The following VOPP1 variants were observed in gnomAD, a reference collection of about 807,000 sequenced individuals.
VOPP1 encodes the protein VOPP1 WW domain binding protein.
VOPP1 carries 8 observed loss-of-function variants against 23.5 expected under a neutral mutation model. The ratio of observed to expected loss-of-function variants is 0.34; its 90% CI spans 0.20 to 0.61. VOPP1 has a LOEUF of 0.61. Among genes scored for constraint, VOPP1 ranks in the 20% least tolerant of loss-of-function variants. The pLI, the probability that VOPP1 is intolerant of heterozygous loss-of-function variation, is 0.78. For synonymous variants in VOPP1, 83 were observed against 97.3 expected, an observed-to-expected ratio of 0.85 and a Z score of 0.86; for missense variants, 174 against 238.1, an observed-to-expected ratio of 0.73 and a Z score of 1.77.
intron 4 of VOPP1, among the ~76,000 whole-genome samples, chr7:55,462,846 C>A (rs552520649): frequency 6.7e-6 from 1 of 148,178 alleles, no homozygotes; most frequent in Admixed American, 6.8e-5. Context: ...TTAGTAGAGA[C>A]GGGGTTTCAC....
chr7:55,523,721 T>A (rs975924304), intron 1 of VOPP1, among the ~76,000 whole-genome samples: 9 of 152,208 alleles, frequency 5.9e-5, no homozygotes, highest in African/African-American at 2.2e-4. Context: ...TCACACATAC[T>A]GAAGACCACC....
intron 1 of VOPP1, among the ~76,000 whole-genome samples, chr7:55,539,108 C>G (rs963103665): frequency 1.3e-5 from 2 of 151,586 alleles, no homozygotes; most frequent in African/African-American, 4.9e-5. Flanking sequence ...CTTTGGGAGG[C>G]CGAGGCAAGC....
intron 1 of VOPP1, among the ~76,000 whole-genome samples, chr7:55,539,869 CA>C (rs1452589564): frequency 6.7e-6 from 1 of 148,394 alleles, no homozygotes; most frequent in Non-Finnish European, 1.5e-5. Flanking sequence ...ATACACACAA[CA>C]TAACAAACGG....
chr7:55,519,772 G>A (rs1245787870), intron 2 of VOPP1, among the ~76,000 whole-genome samples: 4 of 152,166 alleles, frequency 2.6e-5, no homozygotes, highest in Admixed American at 6.5e-5. Context: ...GCCAGCTTCC[G>A]TGTGCTTTAC....
At chr7:55,446,184 G>A (rs564493526) in intron 4 of VOPP1, among the ~76,000 whole-genome samples, 29 of 152,110 alleles carry the variant, frequency 1.9e-4, no homozygotes, top group Non-Finnish European at 3.8e-4. Flanking sequence ...TAGTAGAGAC[G>A]GGGTTTCACC....
Position 55,529,364 on chromosome 7 carries a change from CAAAAAAA to C in VOPP1, c.55-8241_55-8235del, listed in dbSNP as rs58601889. Reference sequence around the variant, plus strand: ...TGGGTGACAGAGCAAGATTCCGTCTCAAAAAAAAAAAAAAAAAAAAAAAAAGAGTCCT... The same window carrying C: ...TGGGTGACAGAGCAAGATTCCGTCTCAAAAAAAAAAAAAAAAAAGAGTCCT... On this transcript the variant is annotated intron_variant, in intron 1 of 4. Transcript: ENST00000285279. 2.0e-4 allele frequency among the ~76,000 whole-genome samples: 21 copies of C among 107,474 alleles called. No individual in the cohort carries two copies. The South Asian group carries it at 3.5e-3, about 18-fold the overall frequency. The allele number at this position is 107,474 out of a possible 152,430, so 70.5% of individuals were successfully genotyped here.
chr7:55,477,249 C>A (rs1792327213), intron 4 of VOPP1, among the ~76,000 whole-genome samples: 2 of 152,184 alleles, frequency 1.3e-5, no homozygotes, highest in South Asian at 4.1e-4. Flanking sequence ...ATTTTCTGAG[C>A]CTTCTGAACA....
At chr7:55,468,280 AAAAAAAAAG>A (rs1404841308), downstream of VOPP1, among the ~76,000 whole-genome samples, 34 of 150,788 alleles carry the variant, frequency 2.3e-4, no homozygotes, top group African/African-American at 8.3e-4. Flanking sequence ...AGAAAAAAAA[AAAAAAAAAG>A]AAAAAAAAAG....
At chr7:55,463,372 A>G (rs1791553754) in intron 4 of VOPP1, among the ~76,000 whole-genome samples, 2 of 152,070 alleles carry the variant, frequency 1.3e-5, no homozygotes, top group African/African-American at 4.8e-5. Context: ...CCTTACACTC[A>G]TATTTGTGCA....
At chr7:55,522,874 C>A (rs1795957096) in intron 1 of VOPP1, among the ~76,000 whole-genome samples, 2 of 152,244 alleles carry the variant, frequency 1.3e-5, no homozygotes, top group South Asian at 4.1e-4. Flanking sequence ...TCCAAAGCAG[C>A]CACTTGATAC....
chr7:55,471,709 ACTT>A lies in VOPP1; in HGVS notation c.*1143_*1145del, dbSNP rs1026764516. On this transcript the variant is annotated 3_prime_UTR_variant, in exon 5 of 5. Coordinates refer to ENST00000285279, the MANE Select transcript of VOPP1 (RefSeq NM_030796.5). ...TATCCAGGAATGTGCATTTCCGACCACTTCTTCTTTATTCTAATTATGACAACA... is the reference window on the plus strand; with the variant it reads ...TATCCAGGAATGTGCATTTCCGACCACTTCTTTATTCTAATTATGACAACA... 2.0e-5 allele frequency: 3 copies of A among 151,910 alleles called. No individual in the cohort carries two copies. The highest frequency in any genetic ancestry group is 4.2e-4 in the South Asian group (2 of 4,816). The allele number at this position is 151,910 out of a possible 1,614,324, so 9.4% of individuals were successfully genotyped here.
intron 2 of VOPP1, among the ~76,000 whole-genome samples, chr7:55,511,039 C>T (rs948565444): frequency 6.6e-6 from 1 of 152,238 alleles, no homozygotes; most frequent in Non-Finnish European, 1.5e-5. Flanking sequence ...ACCTTGAGAG[C>T]AACCCCATCT....
intron 1 of VOPP1, among the ~76,000 whole-genome samples, chr7:55,551,882 A>G (rs1027355703): frequency 6.6e-6 from 1 of 152,176 alleles, no homozygotes; most frequent in Non-Finnish European, 1.5e-5. Context: ...TCTACTAAAA[A>G]TACAAAAATT....
intron 2 of VOPP1, among the ~76,000 whole-genome samples, chr7:55,499,158 T>C (rs771196762): frequency 6.6e-6 from 1 of 151,742 alleles, no homozygotes. Flanking sequence ...TGCTCAAGAA[T>C]GTTGCTGGTC....
chr7:55,563,518 A>C (rs1311936001), intron 1 of VOPP1, among the ~76,000 whole-genome samples: 2 of 152,222 alleles, frequency 1.3e-5, no homozygotes, highest in Non-Finnish European at 2.9e-5. Context: ...GCTTGGGACC[A>C]GAAGTGTTTT....
chr7:55,495,322 T>G (rs963097404), intron 3 of VOPP1, among the ~76,000 whole-genome samples: 6 of 152,240 alleles, frequency 3.9e-5, no homozygotes, highest in Admixed American at 3.9e-4. Flanking sequence ...GCAGGAACTC[T>G]GAAGGCATTC....
chr7:55,435,819 T>C (rs568258790), downstream of VOPP1, among the ~76,000 whole-genome samples: 4 of 152,208 alleles, frequency 2.6e-5, no homozygotes, highest in Admixed American at 6.5e-5. Flanking sequence ...AGCAAATGCT[T>C]ACGGAGCATC....
intron 4 of VOPP1, among the ~76,000 whole-genome samples, chr7:55,477,130 C>CCCCT (rs1792316857): frequency 6.6e-6 from 1 of 152,214 alleles, no homozygotes. Context: ...ACCAGGCAGC[C>CCCCT]CCCTCTTGCT....
At chr7:55,522,208 T>C (rs1795911265) in intron 1 of VOPP1, among the ~76,000 whole-genome samples, 1 of 152,130 alleles carries the variant, frequency 6.6e-6, no homozygotes, top group Admixed American at 6.5e-5. Flanking sequence ...GCAGCTGGAA[T>C]GGAGTTAGAG....
Sources: gnomAD v4.1 joint callset for allele counts (sites outside exome capture counted in the v4.1 genomes callset) on GRCh38, gnomAD v4.1.1 for gene constraint, MANE v1.5 for transcripts, NCBI Gene and HGNC (gene_info 2026-07-23, HGNC 2026-07-21) for gene names.